SPRR2B: variants seen among roughly 807,000 people sequenced by gnomAD.
SPRR2B encodes the protein small proline rich protein 2B.
A neutral mutation model predicts 1.0 loss-of-function variants in SPRR2B; 1 was observed. The observed-to-expected ratio is 1.01, with a 90% CI of 0.36 to 4.77. SPRR2B has a LOEUF of 4.77. SPRR2B is among the 30% of genes most tolerant of loss of function. SPRR2B has a pLI of 0.16. For missense variants in SPRR2B, 53 were observed against 88.7 expected (o/e 0.60, Z 1.62); for synonymous variants, 27 against 33.4 (o/e 0.81, Z 0.66).
the SPRR2B span, among the ~76,000 whole-genome samples, chr1:153,077,929 C>A: frequency 6.6e-6 from 1 of 151,916 alleles, no homozygotes; most frequent in Non-Finnish European, 1.5e-5. Flanking sequence ...CCAATGAAAA[C>A]ACAAAAATGT....
the SPRR2B span, among the ~76,000 whole-genome samples, chr1:153,083,333 C>T: frequency 2.0e-5 from 3 of 152,008 alleles, no homozygotes; most frequent in Admixed American, 2.0e-4. Context: ...CCATGAGGCC[C>T]GCCAATACCC....
At chr1:153,081,625 C>T in the SPRR2B span, among the ~76,000 whole-genome samples, 2 of 152,164 alleles carry the variant, frequency 1.3e-5, no homozygotes, top group African/African-American at 4.8e-5. Flanking sequence ...TAAATGTACA[C>T]TGGTATATAA....
the SPRR2B span, among the ~76,000 whole-genome samples, chr1:153,078,487 A>G: frequency 2.0e-5 from 3 of 152,164 alleles, no homozygotes; most frequent in African/African-American, 7.2e-5. Flanking sequence ...AACATTAGGT[A>G]TATCTCCAAA....
At chr1:153,071,462 T>A (rs1654664434) in intron 1 of SPRR2B, among the ~76,000 whole-genome samples, 107 bp downstream of exon 1, 4 of 152,174 alleles carry the variant, frequency 2.6e-5, no homozygotes. Flanking sequence ...ATCCACTAAG[T>A]ACCATCAAAC....
chr1:153,085,399 G>C, the SPRR2B span, among the ~76,000 whole-genome samples: 1 of 151,886 alleles, frequency 6.6e-6, no homozygotes, highest in Admixed American at 6.6e-5. Context: ...GCAATCACAA[G>C]CATTAACATC....
At chr1:153,073,153 G>A (rs996161111), upstream of SPRR2B, among the ~76,000 whole-genome samples, 2 of 152,124 alleles carry the variant, frequency 1.3e-5, no homozygotes, top group African/African-American at 4.8e-5. Flanking sequence ...AAGGGCTTTT[G>A]GCCAAGATCA....
chr1:153,074,910 G>T (rs970984601), upstream of SPRR2B, among the ~76,000 whole-genome samples: 1 of 152,126 alleles, frequency 6.6e-6, no homozygotes. Context: ...AGCAGCAGTT[G>T]TTTTATTGTT....
chr1:153,070,895 A>T, intron 1 of SPRR2B, 37 bp from the exon 2 acceptor site: 1 of 1,242,928 alleles, frequency 8.0e-7, no homozygotes, highest in Non-Finnish European at 1.1e-6. Flanking sequence ...GTGGGAAGGG[A>T]ATCCTCCAGA....
the SPRR2B span, among the ~76,000 whole-genome samples, chr1:153,085,709 T>A: frequency 1.3e-5 from 2 of 152,078 alleles, no homozygotes; most frequent in East Asian, 1.9e-4. Context: ...CAGAAGAACA[T>A]CATCTGCAAG....
Position 153,070,422 on chromosome 1 carries a change from C to T in SPRR2B, c.*199G>A, listed in dbSNP as rs982227878. On this transcript the variant is annotated 3_prime_UTR_variant, in exon 2 of 2. Coordinates refer to ENST00000368755, the MANE Select transcript of SPRR2B (RefSeq NM_001388198.1). ...CCAAGGTTCCTTTGCTCAGTCTCCA[C>T]CTGGACAGTGGCAGTATGGCAGCCT... 8.4e-6 allele frequency: 9 copies of T among 1,077,790 alleles called. No homozygotes were observed. Among genetic ancestry groups the T allele is most frequent in the Non-Finnish European group, 5.2e-6 (4 of 762,078 alleles). The allele number at this position is 1,077,790 out of a possible 1,614,324, so 66.8% of individuals were successfully genotyped here. A position where few individuals can be genotyped will look rare whatever the true frequency, so the allele number is the denominator to read the frequency against.
the SPRR2B span, among the ~76,000 whole-genome samples, chr1:153,083,204 A>C: frequency 6.6e-6 from 1 of 152,294 alleles, no homozygotes; most frequent in Non-Finnish European, 1.5e-5. Context: ...CACTAATGTA[A>C]AATCTCACAA....
upstream of SPRR2B, among the ~76,000 whole-genome samples, chr1:153,073,643 AC>A (rs1435950347): frequency 1.3e-5 from 2 of 151,730 alleles, no homozygotes; most frequent in Non-Finnish European, 2.9e-5. Context: ...TAACAGTCAC[AC>A]CTTCCCCAGG....
chr1:153,083,131 G>A, the SPRR2B span, among the ~76,000 whole-genome samples: 38 of 152,254 alleles, frequency 2.5e-4, no homozygotes, highest in African/African-American at 7.2e-4. Context: ...GAAATATACT[G>A]TCTACCAACT....
upstream of SPRR2B, among the ~76,000 whole-genome samples, chr1:153,075,848 T>G (rs1020685345): frequency 1.3e-5 from 2 of 152,206 alleles, no homozygotes; most frequent in Non-Finnish European, 2.9e-5. Flanking sequence ...TAAGGTAGAC[T>G]GATCTTGACA....
upstream of SPRR2B, among the ~76,000 whole-genome samples, chr1:153,074,121 A>G (rs1038576606): frequency 6.6e-6 from 1 of 152,134 alleles, no homozygotes; most frequent in Non-Finnish European, 1.5e-5. Context: ...TCTAGTAAAT[A>G]TTACTCTTTT....
the SPRR2B span, among the ~76,000 whole-genome samples, chr1:153,082,977 G>A: frequency 5.3e-5 from 8 of 152,142 alleles, no homozygotes; most frequent in South Asian, 1.7e-3. Flanking sequence ...GAATAAAAAC[G>A]ATGTAAGACT....
At chr1:153,082,245 C>G in the SPRR2B span, among the ~76,000 whole-genome samples, 1 of 152,054 alleles carries the variant, frequency 6.6e-6, no homozygotes. Flanking sequence ...GAAACACAAA[C>G]AGTGTACAGA....
At chr1:153,078,978 A>G in the SPRR2B span, among the ~76,000 whole-genome samples, 1 of 152,198 alleles carries the variant, frequency 6.6e-6, no homozygotes, top group African/African-American at 2.4e-5. Flanking sequence ...CAGTCCCACC[A>G]ACAGTGTAAA....
the SPRR2B span, among the ~76,000 whole-genome samples, chr1:153,083,114 A>AT: frequency 5.9e-5 from 9 of 152,326 alleles, no homozygotes; most frequent in African/African-American, 2.2e-4. Context: ...GAATGAACAA[A>AT]TTCTTAGAAA....
Sources: allele counts gnomAD v4.1 joint callset (sites outside exome capture counted in the v4.1 genomes callset), GRCh38; gene constraint gnomAD v4.1.1; transcripts MANE v1.5; gene names NCBI Gene and HGNC (gene_info 2026-07-23, HGNC 2026-07-21).